TMCC1: variants seen among roughly 807,000 people sequenced by gnomAD.
The protein encoded by TMCC1 is transmembrane and coiled-coil domains protein 1.
Under a neutral mutation model 52.4 loss-of-function variants are expected in TMCC1, and 15 were observed. The ratio of observed to expected loss-of-function variants is 0.29; its 90% confidence interval spans 0.19 to 0.44. The LOEUF (loss-of-function observed/expected upper bound fraction) is 0.44. Among genes scored for constraint, TMCC1 ranks in the 20% least tolerant of loss-of-function variants. The pLI is 1.00. For missense variants in TMCC1, 503 were observed against 806.0 expected (o/e 0.62, Z 4.55); for synonymous variants, 279 against 301.9 (o/e 0.92, Z 0.79).
chr3:129,661,419 C>G, intron 5 of TMCC1, among the ~76,000 whole-genome samples: 1 of 151,456 alleles, frequency 6.6e-6, no homozygotes, highest in East Asian at 2.0e-4. Flanking sequence ...GAGCAAGAAC[C>G]TGTCTCAAAC....
intron 4 of TMCC1, among the ~76,000 whole-genome samples, chr3:129,759,916 T>C (rs2053382792): frequency 6.6e-6 from 1 of 151,022 alleles, no homozygotes; most frequent in Admixed American, 6.6e-5. Flanking sequence ...AGAGACGGGG[T>C]TTCACCATGT....
chr3:129,744,896 A>G (rs1302550306), intron 4 of TMCC1, among the ~76,000 whole-genome samples: 3 of 152,202 alleles, frequency 2.0e-5, no homozygotes, highest in Admixed American at 1.3e-4. Flanking sequence ...TGTGCCTTGA[A>G]CTATTATGAT....
chr3:129,685,054 G>A (rs777822016), intron 4 of TMCC1, among the ~76,000 whole-genome samples: 19 of 152,112 alleles, frequency 1.2e-4, no homozygotes, highest in Non-Finnish European at 2.4e-4. Flanking sequence ...AGTACTCTTT[G>A]AACACAGGAG....
rs576694973 is a variant in TMCC1 at position 129,855,268 on chromosome 3, ATAAAT to A, written c.-183-22447_-183-22443del. 7.4e-3 allele frequency among the ~76,000 whole-genome samples: 1,124 copies of A among 152,328 alleles called. 7 individuals are homozygous for A. The highest frequency in any genetic ancestry group is 0.012 in the Non-Finnish European group (814 of 68,026). ...TGATTGTAGCTTTCATAACAAAACT[ATAAAT>A]TAGTTTTTTGAGTTTTTCTTAACAC... On this transcript the variant is annotated intron_variant, in intron 2 of 6. Transcript: ENST00000393238.
chr3:129,654,947 C>T (rs1041673508), intron 6 of TMCC1, 21 bp downstream of exon 6: 1 of 1,610,562 alleles, frequency 6.2e-7, no homozygotes, highest in African/African-American at 1.3e-5. Flanking sequence ...TTTGCATTTA[C>T]ACCTTTTCCT....
intron 4 of TMCC1, among the ~76,000 whole-genome samples, chr3:129,819,258 T>C (rs745390816): frequency 2.6e-4 from 39 of 152,238 alleles, no homozygotes; most frequent in Admixed American, 9.2e-4. Context: ...AATTTTTTTA[T>C]TTTTAGTAGA....
chr3:129,811,184 A>G (rs1315345386), intron 4 of TMCC1, among the ~76,000 whole-genome samples: 1 of 152,242 alleles, frequency 6.6e-6, no homozygotes, highest in African/African-American at 2.4e-5. Flanking sequence ...GCACTACTCC[A>G]TTGTTAAGCT....
chr3:129,758,792 A>G (rs1009982506), intron 4 of TMCC1, among the ~76,000 whole-genome samples: 15 of 152,170 alleles, frequency 9.9e-5, no homozygotes, highest in African/African-American at 3.6e-4. Context: ...TCATCTTACA[A>G]AACTGAAACT....
intron 1 of TMCC1, chr3:129,892,780 T>C (rs923978480): frequency 6.6e-6 from 1 of 152,180 alleles, no homozygotes; most frequent in Admixed American, 6.5e-5. Flanking sequence ...CCACAAATGA[T>C]ACCCCTTTAC....
intron 4 of TMCC1, among the ~76,000 whole-genome samples, chr3:129,737,633 T>G (rs1036232562): frequency 3.8e-4 from 58 of 152,194 alleles, no homozygotes; most frequent in Non-Finnish European, 6.3e-4. Context: ...TTTCCAGAAC[T>G]GTGAGAAATA....
At chr3:129,879,382 T>C (rs1026804897) in intron 2 of TMCC1, among the ~76,000 whole-genome samples, 1 of 152,134 alleles carries the variant, frequency 6.6e-6, no homozygotes, top group Non-Finnish European at 1.5e-5. Flanking sequence ...GTGAGATTGC[T>C]GTGAGCTACG....
chr3:129,802,654 G>A (rs2057260099), intron 4 of TMCC1, among the ~76,000 whole-genome samples: 1 of 152,126 alleles, frequency 6.6e-6, no homozygotes, highest in African/African-American at 2.4e-5. Flanking sequence ...TAGCACCTAG[G>A]CCATTGTAAC....
At chr3:129,818,888 C>T (rs2058265625) in intron 4 of TMCC1, 2 of 152,526 alleles carry the variant, frequency 1.3e-5, no homozygotes, top group African/African-American at 4.8e-5. Flanking sequence ...ATGTAGGTGA[C>T]ATTTGGTTAA....
At chr3:129,853,231 G>A (rs1294417096) in intron 2 of TMCC1, among the ~76,000 whole-genome samples, 1 of 151,994 alleles carries the variant, frequency 6.6e-6, no homozygotes, top group Admixed American at 6.6e-5. Flanking sequence ...AGTATACACT[G>A]CAGTACATAA....
chr3:129,822,248 C>T (rs548255295), intron 4 of TMCC1, among the ~76,000 whole-genome samples: 33 of 152,018 alleles, frequency 2.2e-4, no homozygotes, highest in Admixed American at 1.8e-3. Context: ...TACTGTTACC[C>T]GTCTGAAAAT....
intron 4 of TMCC1, among the ~76,000 whole-genome samples, chr3:129,714,948 T>C (rs930814502): frequency 1.3e-4 from 20 of 152,192 alleles, no homozygotes; most frequent in Non-Finnish European, 1.8e-4. Context: ...GAGCTCAAAA[T>C]TTTCCATTTT....
intron 2 of TMCC1, chr3:129,847,800 G>A (rs1481066290): frequency 1.3e-5 from 2 of 152,194 alleles, no homozygotes; most frequent in Admixed American, 1.3e-4. Context: ...GTCAGTGTAT[G>A]AGAGTTCCAG....
chr3:129,857,744 T>TA (rs397963118), intron 2 of TMCC1, among the ~76,000 whole-genome samples: 1 of 151,464 alleles, frequency 6.6e-6, no homozygotes, highest in Non-Finnish European at 1.5e-5. Flanking sequence ...TGTATTTTTT[T>TA]AGTAGAGACA....
intron 2 of TMCC1, among the ~76,000 whole-genome samples, chr3:129,854,890 G>T (rs1273686513): frequency 6.6e-6 from 1 of 152,156 alleles, no homozygotes; most frequent in Non-Finnish European, 1.5e-5. Context: ...AGTTCCATGG[G>T]GGAAGGGTAT....
Sources: gnomAD v4.1 joint callset for allele counts (sites outside exome capture counted in the v4.1 genomes callset) on GRCh38, gnomAD v4.1.1 for gene constraint, MANE v1.5 for transcripts, NCBI Gene and HGNC (gene_info 2026-07-23, HGNC 2026-07-21) for gene names.